Variants in IGHMBP2 observed in about 807,000 individuals in gnomAD.
The protein encoded by IGHMBP2 is DNA-binding protein SMUBP-2.
IGHMBP2 carries 81 observed loss-of-function variants against 96.0 expected under a neutral mutation model. The ratio of observed to expected loss-of-function variants is 0.84; its 90% CI spans 0.71 to 1.01. The LOEUF (loss-of-function observed/expected upper bound fraction) is 1.01, where lower values mean the gene tolerates loss of function less well. Among genes scored for constraint, IGHMBP2 ranks in the 50% least tolerant of loss-of-function variants. IGHMBP2 has a pLI of 0.00. For missense variants in IGHMBP2, 1,227 were observed against 1,306.3 expected (o/e 0.94, Z 0.94); for synonymous variants, 557 against 548.9 (o/e 1.01, Z -0.21).
chr11:68,904,191 C>A (rs923392376), intron 1 of IGHMBP2, among the ~76,000 whole-genome samples, 153 bp downstream of exon 1: 10 of 152,172 alleles, frequency 6.6e-5, no homozygotes, highest in Non-Finnish European at 1.2e-4. Context: ...TGCTTGGCCA[C>A]CTCCCGAGTT....
chr11:68,936,805 G>C lies in IGHMBP2; in HGVS notation c.2325G>C (p.Gly775=), dbSNP rs752117472. ...HGLRHDSSGE[G]KRRFITVSKR... is the part of the protein sequence containing the mutation. Reference sequence around the variant, plus strand: ...TGAGGCACGACAGTTCCGGGGAAGGGAAGAGGAGGTTCATCACTGTGAGCA... The same window carrying C: ...TGAGGCACGACAGTTCCGGGGAAGGCAAGAGGAGGTTCATCACTGTGAGCA... The change falls in exon 13 of 15, where the codon GGG becomes GGC. Residue 775 remains glycine (G), a synonymous_variant. Coordinates refer to ENST00000255078, the MANE Select transcript of IGHMBP2 (RefSeq NM_002180.3). The C allele has an allele frequency of 1.9e-6, 3 of 1,613,882 alleles. No individual in the cohort carries two copies. In the East Asian group the frequency reaches 6.7e-5, roughly 36 times the overall value.
At chr11:68,935,784 C>T (rs1377799221) in intron 12 of IGHMBP2, among the ~76,000 whole-genome samples, 1 of 152,218 alleles carries the variant, frequency 6.6e-6, no homozygotes, top group Non-Finnish European at 1.5e-5. Flanking sequence ...TTCTGTGCTG[C>T]TGTGGTGTGT....
Position 68,924,469 on chromosome 11 carries a change from A to AAGGCTGCGATCG in IGHMBP2, c.1061-4710_1061-4699dup, listed in dbSNP as rs1858991989. On this transcript the variant is annotated intron_variant, in intron 7 of 14. Coordinates refer to ENST00000255078, the MANE Select transcript of IGHMBP2 (RefSeq NM_002180.3). Reference sequence around the variant, plus strand: ...CAAGGTGCTGTGCTCAGGATCTCACAAGGCTGCGATCGAGGTGTCAGTGGG... The same window carrying AAGGCTGCGATCG: ...CAAGGTGCTGTGCTCAGGATCTCACAAGGCTGCGATCGAGGCTGCGATCGAGGTGTCAGTGGG... Among the ~76,000 whole-genome samples, 3 of 152,358 alleles carry AAGGCTGCGATCG rather than the reference A, an allele frequency of 2.0e-5. No homozygotes were observed. The South Asian group carries it at 6.2e-4, about 32-fold the overall frequency.
chr11:68,936,208 G>A (rs1192263071), intron 12 of IGHMBP2, 29 bp from the exon 13 acceptor site: 1 of 1,612,530 alleles, frequency 6.2e-7, no homozygotes, highest in South Asian at 1.1e-5. Context: ...TCTGAAACCT[G>A]CTTCTCACTC....
intron 5 of IGHMBP2, among the ~76,000 whole-genome samples, chr11:68,913,998 A>C (rs1858547956): frequency 6.6e-6 from 1 of 152,186 alleles, no homozygotes; most frequent in Non-Finnish European, 1.5e-5. Context: ...CATCTCCCTG[A>C]CTAAAACTAG....
chr11:68,919,955 C>T (rs1388996351), intron 7 of IGHMBP2, among the ~76,000 whole-genome samples: 2 of 152,234 alleles, frequency 1.3e-5, no homozygotes, highest in Non-Finnish European at 2.9e-5. Flanking sequence ...CTTTTTAAGT[C>T]TGTAGTACAG....
chr11:68,939,761 C>T lies in IGHMBP2; in HGVS notation c.*30C>T, dbSNP rs1433287262. On this transcript the variant is annotated 3_prime_UTR_variant, in exon 15 of 15. Transcript: ENST00000255078. ...CCGCATCCTTGCACGCCCCGCGGAG[C>T]TCTCTCCATGGTAGCCCAGGGCGCT... The T allele has an allele frequency of 6.3e-7, 1 of 1,579,516 alleles. No individual in the cohort carries two copies. Among genetic ancestry groups the T allele is most frequent in the South Asian group, 1.2e-5 (1 of 86,868 alleles).
At chr11:68,937,988 G>T in intron 13 of IGHMBP2, 194 bp from the exon 14 acceptor site, 1 of 644,672 alleles carries the variant, frequency 1.6e-6, no homozygotes, top group Non-Finnish European at 2.8e-6. Flanking sequence ...TAGAGACGGG[G>T]TCTCACTCTG....
At chr11:68,904,803 C>CTTTTTTTTTTTTTTTTT (rs1555241972) in intron 1 of IGHMBP2, among the ~76,000 whole-genome samples, 1 of 120,996 alleles carries the variant, frequency 8.3e-6, no homozygotes. Flanking sequence ...TTTTCTTTTT[C>CTTTTTTTTTTTTTTTTT]TTTTTTTTTT....
At chr11:68,930,282 T>G in intron 8 of IGHMBP2, 3 of 1,285,574 alleles carry the variant, frequency 2.3e-6, no homozygotes, top group Non-Finnish European at 3.0e-6. Flanking sequence ...AGATTTCGGT[T>G]GCCTTTTGAA....
chr11:68,936,804 G>A lies in IGHMBP2; in HGVS notation c.2324G>A (p.Gly775Glu). Reference protein sequence around the residue: ...HGLRHDSSGEGKRRFITVSKR... With the variant: ...HGLRHDSSGEEKRRFITVSKR... ...CTGAGGCACGACAGTTCCGGGGAAG[G>A]GAAGAGGAGGTTCATCACTGTGAGC... The change falls in exon 13 of 15, where the codon GGG (glycine) becomes GAG (glutamate). Residue 775 changes from glycine (G) to glutamate (E), a missense_variant. Gly to Glu is a moderately conservative substitution (Grantham distance 98). Transcript: ENST00000255078. 6.2e-7 allele frequency: 1 copy of A among 1,614,006 alleles called. No individual in the cohort carries two copies. The highest frequency in any genetic ancestry group is 8.5e-7 in the Non-Finnish European group (1 of 1,180,038).
intron 2 of IGHMBP2, among the ~76,000 whole-genome samples, chr11:68,906,640 C>CT (rs60710565): frequency 0.4 from 46,493 of 117,628 alleles, 9,941 homozygotes; most frequent in African/African-American, 0.56. Flanking sequence ...CATTTCTTTT[C>CT]TTTTTTTTTT....
rs376746145 is a variant in IGHMBP2, at chr11:68,933,678, G to A, written c.1419-117G>A. The A allele has an allele frequency of 7.9e-6, 8 of 1,006,532 alleles. No individual in the cohort carries two copies. In the African/African-American group the frequency reaches 9.5e-5, roughly 12 times the overall value. The allele number at this position is 1,006,532 out of a possible 1,614,324, so 62.4% of individuals were successfully genotyped here. On this transcript the variant is annotated intron_variant, in intron 9 of 14. Transcript: ENST00000255078. Reference sequence around the variant, plus strand: ...TCCCTCCCTTCTGATGTCCTGATGTGCTCATTGTCCTCCCCTACCTAAGCC... The same window carrying A: ...TCCCTCCCTTCTGATGTCCTGATGTACTCATTGTCCTCCCCTACCTAAGCC...
chr11:68,917,404 A>C (rs1483936861), intron 6 of IGHMBP2, among the ~76,000 whole-genome samples: 2 of 152,214 alleles, frequency 1.3e-5, no homozygotes, highest in Non-Finnish European at 2.9e-5. Flanking sequence ...AAGCTCCTAC[A>C]ACCCAAATCC....
At chr11:68,935,145 C>T (rs889530992) in intron 11 of IGHMBP2, among the ~76,000 whole-genome samples, 154 bp from the exon 12 acceptor site, 1 of 152,196 alleles carries the variant, frequency 6.6e-6, no homozygotes, top group Non-Finnish European at 1.5e-5. Context: ...GTGAGGAGGG[C>T]GAACGGGAAG....
chr11:68,923,228 C>T (rs1254531428), intron 7 of IGHMBP2, among the ~76,000 whole-genome samples: 1 of 151,660 alleles, frequency 6.6e-6, no homozygotes, highest in Non-Finnish European at 1.5e-5. Context: ...TTTGAGACAG[C>T]GTCTTGCTCT....
intron 7 of IGHMBP2, among the ~76,000 whole-genome samples, chr11:68,927,928 A>G (rs1240896499): frequency 6.6e-6 from 1 of 152,182 alleles, no homozygotes; most frequent in Non-Finnish European, 1.5e-5. Context: ...ATGGCTGGGA[A>G]TAGGGCAGGT....
chr11:68,907,591 T>G (rs1040938615), intron 2 of IGHMBP2, among the ~76,000 whole-genome samples: 1 of 152,152 alleles, frequency 6.6e-6, no homozygotes, highest in African/African-American at 2.4e-5. Flanking sequence ...AATTTCATAT[T>G]TTGATTTCGT....
chr11:68,923,190 CT>C (rs980272826), intron 7 of IGHMBP2, among the ~76,000 whole-genome samples: 1 of 151,086 alleles, frequency 6.6e-6, no homozygotes. Flanking sequence ...TTCCTATAAT[CT>C]TTTTTTTTGT....
Sources: allele counts gnomAD v4.1 joint callset (sites outside exome capture counted in the v4.1 genomes callset), GRCh38; gene constraint gnomAD v4.1.1; transcripts MANE v1.5; gene names NCBI Gene and HGNC (gene_info 2026-07-23, HGNC 2026-07-21).